Variants in GMPS observed in about 807,000 individuals in gnomAD.
GMPS encodes the protein GMP synthase [glutamine-hydrolyzing].
Under a neutral mutation model 77.9 loss-of-function variants are expected in GMPS, and 15 were observed. That is an observed-to-expected ratio of 0.19 (90% CI 0.13 to 0.30). The LOEUF (loss-of-function observed/expected upper bound fraction) is 0.30. Ranked by LOEUF, GMPS falls within the 10% of genes least tolerant of loss-of-function variation. The pLI is 1.00. For missense variants in GMPS, 590 were observed against 838.8 expected, an observed-to-expected ratio of 0.70 and a Z score of 3.66; for synonymous variants, 224 against 275.9, an observed-to-expected ratio of 0.81 and a Z score of 1.86.
At position 155,941,886 on chromosome 3, in the gene GMPS, C is replaced by T. The variant is rs75947858; in HGVS notation, c.*4194C>T. On this transcript the variant is annotated 3_prime_UTR_variant, in exon 16 of 16. Transcript: ENST00000496455. ...GCAAGTGAAGAGATATAGAATCCCCCAAAGAGTGTCAAGATGCTAACTTCC... is the reference window on the plus strand; with the variant it reads ...GCAAGTGAAGAGATATAGAATCCCCTAAAGAGTGTCAAGATGCTAACTTCC... 0.058 allele frequency: 12,355 copies of T among 212,796 alleles called. 513 individuals carry two copies. The highest frequency in any genetic ancestry group is 0.17 in the South Asian group (913 of 5,348). 13.2% of individuals were successfully genotyped at this position (212,796 alleles called of 1,614,324 possible). A position where few individuals can be genotyped will look rare whatever the true frequency, so the allele number is the denominator to read the frequency against.
chr3:155,938,013 G>T lies in GMPS; in HGVS notation c.*321G>T. 1 of 260,322 alleles carries T rather than the reference G, an allele frequency of 3.8e-6. No homozygotes were observed. Among genetic ancestry groups the T allele is most frequent in the Non-Finnish European group, 7.3e-6 (1 of 136,292 alleles). 16.1% of individuals were successfully genotyped at this position (260,322 alleles called of 1,614,324 possible). ...TATGTATGAAGGTGGGTGAATTTGG[G>T]GGTAATTATGGGCTTCTGTCTCCTT... On this transcript the variant is annotated 3_prime_UTR_variant, in exon 16 of 16. Coordinates refer to ENST00000496455, the MANE Select transcript of GMPS (RefSeq NM_003875.3).
chr3:155,931,164 T>C (rs1316590073), intron 12 of GMPS, among the ~76,000 whole-genome samples: 2 of 151,820 alleles, frequency 1.3e-5, no homozygotes, highest in African/African-American at 4.8e-5. Flanking sequence ...TCCACAGTTG[T>C]GCAGGTAATG....
rs951969163 is a variant in GMPS, at chr3:155,937,830, G to A, written c.*138G>A. ...TGAGTTCTCCACAGCAAAAATCTAC[G>A]GCTTAAGAGCTGAGTTGGGGATAAC... On this transcript the variant is annotated 3_prime_UTR_variant, in exon 16 of 16. Transcript: ENST00000496455. 7.3e-5 allele frequency: 43 copies of A among 591,666 alleles called. No individual in the cohort carries two copies. The Middle Eastern group carries it at 1.6e-3, about 22-fold the overall frequency. 36.7% of individuals were successfully genotyped at this position (591,666 alleles called of 1,614,324 possible).
At chr3:155,933,785 C>T (rs1030352297) in intron 13 of GMPS, among the ~76,000 whole-genome samples, 4 of 152,168 alleles carry the variant, frequency 2.6e-5, no homozygotes, top group African/African-American at 9.7e-5. Flanking sequence ...TATCTCTACC[C>T]TGATTCCCTC....
intron 7 of GMPS, 106 bp from the exon 8 acceptor site, chr3:155,914,313 T>C: frequency 1.3e-6 from 1 of 751,830 alleles, no homozygotes; most frequent in Non-Finnish European, 2.0e-6. Flanking sequence ...AAAGGACTGC[T>C]CTTCAGACTG....
chr3:155,931,871 A>G lies in GMPS; in HGVS notation c.1667A>G (p.Asn556Ser), dbSNP rs772984440. Reference protein sequence around the residue: ...LARLIPRMCHNVNRVVYIFGP... With the variant: ...LARLIPRMCHSVNRVVYIFGP... ...AGGCTTATACCTCGCATGTGTCACA[A>G]CGTTAACAGGTGTGTTTCACAGGAG... The change falls in exon 13 of 16, where the codon AAC becomes AGC. Residue 556 changes from asparagine to serine, a missense_variant. This residue lies in a region of GMPS where 89 missense variants were observed against 95.9 expected (regional missense o/e 0.93). Coordinates refer to ENST00000496455, the MANE Select transcript of GMPS (RefSeq NM_003875.3). 16 of 1,466,954 alleles carry G rather than the reference A, an allele frequency of 1.1e-5. No homozygotes were observed. The highest frequency in any genetic ancestry group is 1.4e-5 in the African/African-American group (1 of 72,064). 90.9% of individuals were successfully genotyped at this position (1,466,954 alleles called of 1,614,324 possible). A position where few individuals can be genotyped will look rare whatever the true frequency, so the allele number is the denominator to read the frequency against.
intron 12 of GMPS, among the ~76,000 whole-genome samples, chr3:155,925,745 A>G (rs1264231798): frequency 6.6e-6 from 1 of 152,102 alleles, no homozygotes; most frequent in African/African-American, 2.4e-5. Context: ...TCTGCCTTGT[A>G]GGGCAGGGAT....
Position 155,886,112 on chromosome 3 carries a change from C to T in GMPS, c.28-7406C>T, listed in dbSNP as rs185147926. Among the ~76,000 whole-genome samples, 5 of 151,556 alleles carry T rather than the reference C, an allele frequency of 3.3e-5. No homozygotes were observed. The East Asian group carries it at 7.8e-4, about 24-fold the overall frequency. ...CTGGGATTACAGGTGTGAGCTATGG[C>T]GCTCAGCCTTCAGTTGGTTTTTAAA... On this transcript the variant is annotated intron_variant, in intron 1 of 15. Coordinates refer to ENST00000496455, the MANE Select transcript of GMPS (RefSeq NM_003875.3).
chr3:155,905,090 C>A (rs1000007607), intron 4 of GMPS, among the ~76,000 whole-genome samples: 6 of 151,848 alleles, frequency 4.0e-5, no homozygotes, highest in Admixed American at 2.6e-4. Context: ...GGCAAGATCT[C>A]GACTCACTGC....
intron 1 of GMPS, among the ~76,000 whole-genome samples, chr3:155,882,145 A>C (rs1454235580): frequency 2.0e-5 from 3 of 152,212 alleles, no homozygotes; most frequent in Admixed American, 2.0e-4. Flanking sequence ...TGGCCAAAGC[A>C]AGTCTTGTGC....
At chr3:155,872,757 A>G (rs1378890409) in intron 1 of GMPS, among the ~76,000 whole-genome samples, 1 of 152,206 alleles carries the variant, frequency 6.6e-6, no homozygotes, top group African/African-American at 2.4e-5. Flanking sequence ...AGCATAATTA[A>G]ACATTTTAAA....
chr3:155,887,714 C>T (rs1330284862), intron 1 of GMPS, among the ~76,000 whole-genome samples: 2 of 152,078 alleles, frequency 1.3e-5, no homozygotes, highest in Non-Finnish European at 2.9e-5. Context: ...ATTGTAGTTA[C>T]ATAGGAGATT....
chr3:155,870,945 T>TCCCGGACCGGGGAGCCACCCCGCGAGGCC, intron 1 of GMPS, 48 bp downstream of exon 1: 1 of 1,413,644 alleles, frequency 7.1e-7, no homozygotes, highest in East Asian at 3.0e-5. Context: ...GAGGCGAGGC[T>TCCCGGACCGGGGAGCCACCCCGCGAGGCC]CCCGGACCGG....
chr3:155,920,274 A>T (rs950219282), intron 10 of GMPS, among the ~76,000 whole-genome samples: 18 of 152,202 alleles, frequency 1.2e-4, no homozygotes, highest in African/African-American at 4.3e-4. Flanking sequence ...AGCTTTACAC[A>T]TGTATAACCT....
intron 4 of GMPS, among the ~76,000 whole-genome samples, chr3:155,905,658 A>G (rs1053479861): frequency 5.9e-5 from 9 of 151,948 alleles, no homozygotes; most frequent in African/African-American, 1.4e-4. Flanking sequence ...GTATCTCCCT[A>G]CTCTTAAGCT....
chr3:155,936,732 GTAAT>G (rs1289237181), intron 15 of GMPS, among the ~76,000 whole-genome samples: 2 of 151,962 alleles, frequency 1.3e-5, no homozygotes, highest in African/African-American at 4.8e-5. Context: ...TGTATAAAAA[GTAAT>G]TGATTATAAT....
At chr3:155,893,234 C>T (rs968510054) in intron 1 of GMPS, among the ~76,000 whole-genome samples, 2 of 152,122 alleles carry the variant, frequency 1.3e-5, no homozygotes, top group Admixed American at 6.5e-5. Context: ...GTGTGCTCAT[C>T]CTACCATTAG....
intron 9 of GMPS, among the ~76,000 whole-genome samples, chr3:155,916,558 T>C (rs4680219): frequency 0.4 from 60,410 of 152,152 alleles, 14,491 homozygotes; most frequent in Non-Finnish European, 0.52. Context: ...CTTACCGTAA[T>C]GTTTTCAAGG....
At chr3:155,925,959 A>T (rs1277501761) in intron 12 of GMPS, among the ~76,000 whole-genome samples, 1 of 152,168 alleles carries the variant, frequency 6.6e-6, no homozygotes, top group Admixed American at 6.5e-5. Context: ...ATAGTTCTCA[A>T]TTATAAAATG....
Sources: allele counts gnomAD v4.1 joint callset (sites outside exome capture counted in the v4.1 genomes callset), GRCh38; gene constraint gnomAD v4.1.1; regional missense constraint gnomAD v4.1.1; transcripts MANE v1.5; gene names NCBI Gene and HGNC (gene_info 2026-07-23, HGNC 2026-07-21).